The following PAK1 variants were observed in gnomAD, a reference collection of about 807,000 sequenced individuals.
PAK1 encodes serine/threonine-protein kinase PAK 1.
Under a neutral mutation model 67.4 loss-of-function variants are expected in PAK1, and 29 were observed. The ratio of observed to expected loss-of-function variants is 0.43; its 90% CI spans 0.32 to 0.59. The LOEUF is 0.59. Ranked by LOEUF, PAK1 falls within the 20% of genes least tolerant of loss-of-function variation. The pLI, the probability that PAK1 is intolerant of heterozygous loss-of-function variation, is 0.07. For synonymous variants in PAK1, 223 were observed against 237.4 expected (o/e 0.94, Z 0.56); for missense variants, 337 against 670.7 (o/e 0.50, Z 5.50).
chr11:77,518,312 G>A, the PAK1 span, among the ~76,000 whole-genome samples: 1 of 152,180 alleles, frequency 6.6e-6, no homozygotes, highest in Non-Finnish European at 1.5e-5. Flanking sequence ...GAGAAGCATG[G>A]TGAGAAGTCA....
chr11:77,509,041 C>A, the PAK1 span, among the ~76,000 whole-genome samples: 1 of 147,444 alleles, frequency 6.8e-6, no homozygotes, highest in African/African-American at 2.5e-5. Flanking sequence ...GAGGCCGAGG[C>A]GGGCGGATCA....
intron 1 of PAK1, among the ~76,000 whole-genome samples, chr11:77,469,708 T>C (rs1208191710): frequency 6.6e-6 from 1 of 151,726 alleles, no homozygotes; most frequent in Non-Finnish European, 1.5e-5. Flanking sequence ...TTTTTAATAA[T>C]GGGCATAGAA....
chr11:77,350,506 T>C (rs1442710629), intron 8 of PAK1, among the ~76,000 whole-genome samples: 3 of 152,208 alleles, frequency 2.0e-5, no homozygotes, highest in African/African-American at 7.2e-5. Flanking sequence ...CTTAAGACCA[T>C]AAACCCTGTG....
intron 13 of PAK1, among the ~76,000 whole-genome samples, chr11:77,334,555 T>C (rs377338864): frequency 3.9e-5 from 6 of 152,212 alleles, no homozygotes; most frequent in Non-Finnish European, 5.9e-5. Context: ...ACCAACCTAT[T>C]TGCACCTGTG....
At chr11:77,449,788 T>C (rs563121036) in intron 1 of PAK1, among the ~76,000 whole-genome samples, 24 of 151,702 alleles carry the variant, frequency 1.6e-4, no homozygotes, top group African/African-American at 5.8e-4. Context: ...CTCACCCCAA[T>C]TCCCCTATTC....
intron 1 of PAK1, among the ~76,000 whole-genome samples, chr11:77,413,476 G>A (rs1954764116): frequency 6.6e-6 from 1 of 152,132 alleles, no homozygotes; most frequent in Non-Finnish European, 1.5e-5. Flanking sequence ...AAATGCTCAG[G>A]AGTTCAAGGC....
At chr11:77,457,285 C>T (rs1957124538) in intron 1 of PAK1, among the ~76,000 whole-genome samples, 1 of 152,212 alleles carries the variant, frequency 6.6e-6, no homozygotes, top group East Asian at 1.9e-4. Flanking sequence ...TTCATCATCT[C>T]TGTCATTATT....
At chr11:77,525,005 A>G in the PAK1 span, among the ~76,000 whole-genome samples, 1 of 152,260 alleles carries the variant, frequency 6.6e-6, no homozygotes, top group East Asian at 1.9e-4. Flanking sequence ...GGTTGAATAC[A>G]ATGAGATGTT....
the PAK1 span, among the ~76,000 whole-genome samples, chr11:77,520,010 C>T: frequency 1.3e-5 from 2 of 151,922 alleles, no homozygotes; most frequent in Non-Finnish European, 2.9e-5. Flanking sequence ...TGGCCCCCCC[C>T]TCCGCCCGTG....
chr11:77,455,223 C>A (rs1957031313), intron 1 of PAK1, among the ~76,000 whole-genome samples: 1 of 151,980 alleles, frequency 6.6e-6, no homozygotes, highest in African/African-American at 2.4e-5. Flanking sequence ...CCTGAATATT[C>A]TCTAGGGCAT....
chr11:77,446,062 CTCCAAGAAAGGAAG>C (rs955950702), intron 1 of PAK1, among the ~76,000 whole-genome samples: 4 of 152,242 alleles, frequency 2.6e-5, no homozygotes, highest in African/African-American at 9.6e-5. Flanking sequence ...CTGCAAGCTT[CTCCAAGAAAGGAAG>C]TGAATCTTAG....
the PAK1 span, among the ~76,000 whole-genome samples, chr11:77,489,386 C>CCTCCTCT: frequency 0.027 from 4,078 of 148,864 alleles, 122 homozygotes; most frequent in African/African-American, 0.068. Context: ...ATCTCCCCTC[C>CCTCCTCT]CTCCTCTCTC....
chr11:77,459,213 T>C (rs1278654119), intron 1 of PAK1, among the ~76,000 whole-genome samples: 9 of 152,102 alleles, frequency 5.9e-5, no homozygotes, highest in African/African-American at 1.9e-4. Flanking sequence ...CTATAAACAA[T>C]GGAGACACAC....
At chr11:77,336,051 C>G (rs1942642157) in intron 13 of PAK1, 35 bp downstream of exon 13, 1 of 1,393,490 alleles carries the variant, frequency 7.2e-7, no homozygotes. Flanking sequence ...GAGACAACAG[C>G]CCAAATAACT....
At chr11:77,394,117 G>T (rs182511048) in intron 1 of PAK1, among the ~76,000 whole-genome samples, 42 of 152,282 alleles carry the variant, frequency 2.8e-4, no homozygotes, top group Non-Finnish European at 5.1e-4. Context: ...TGTATCCAGA[G>T]TTAAAAATAT....
intron 8 of PAK1, among the ~76,000 whole-genome samples, chr11:77,350,963 G>T (rs940336825): frequency 2.0e-5 from 3 of 151,914 alleles, no homozygotes; most frequent in Non-Finnish European, 4.4e-5. Context: ...AGCCTCAGGG[G>T]ACTGTCTCCA....
At chr11:77,427,191 T>G (rs548908489) in intron 1 of PAK1, among the ~76,000 whole-genome samples, 8 of 152,300 alleles carry the variant, frequency 5.3e-5, no homozygotes, top group Non-Finnish European at 8.8e-5. Flanking sequence ...TCAGCCTAAG[T>G]GTCTCTGCAG....
chr11:77,349,091 CT>C, intron 9 of PAK1, 147 bp downstream of exon 9: 1 of 608,066 alleles, frequency 1.6e-6, no homozygotes, highest in Non-Finnish European at 2.9e-6. Context: ...CGCCACTGCA[CT>C]CCAGCCTGGA....
At chr11:77,337,609 C>T (rs1458875055) in intron 11 of PAK1, among the ~76,000 whole-genome samples, 186 bp from the exon 12 acceptor site, 1 of 152,176 alleles carries the variant, frequency 6.6e-6, no homozygotes, top group Non-Finnish European at 1.5e-5. Context: ...CATCTCCTAG[C>T]TAAACATTCT....
Sources: gnomAD v4.1 joint callset for allele counts (sites outside exome capture counted in the v4.1 genomes callset) on GRCh38, gnomAD v4.1.1 for gene constraint, MANE v1.5 for transcripts, NCBI Gene and HGNC (gene_info 2026-07-23, HGNC 2026-07-21) for gene names.